Variants in LUZP2 observed in about 807,000 individuals in gnomAD.
LUZP2 encodes the protein leucine zipper protein 2.
Under a neutral mutation model 51.6 loss-of-function variants are expected in LUZP2, and 52 were observed. That is an observed-to-expected ratio of 1.01 (90% CI 0.81 to 1.27). The LOEUF is 1.27. Ranked by LOEUF, LUZP2 falls within the 50% of genes most tolerant of loss-of-function variation. The pLI, the probability that LUZP2 is intolerant of heterozygous loss-of-function variation, is 0.00. For synonymous variants in LUZP2, 154 were observed against 137.3 expected (o/e 1.12, Z -0.85); for missense variants, 436 against 395.4 (o/e 1.10, Z -0.87).
At chr11:24,947,773 T>C (rs1306410297) in intron 7 of LUZP2, among the ~76,000 whole-genome samples, 1 of 151,856 alleles carries the variant, frequency 6.6e-6, no homozygotes, top group Non-Finnish European at 1.5e-5. Flanking sequence ...ACTTTGAATA[T>C]TTTAACACAC....
At chr11:24,632,762 T>C (rs540877116) in intron 1 of LUZP2, among the ~76,000 whole-genome samples, 1 of 152,056 alleles carries the variant, frequency 6.6e-6, no homozygotes, top group Non-Finnish European at 1.5e-5. Context: ...TGTTCCAACA[T>C]ATAAGGAAAT....
At chr11:24,681,623 G>A (rs959371511) in intron 1 of LUZP2, among the ~76,000 whole-genome samples, 2 of 151,972 alleles carry the variant, frequency 1.3e-5, no homozygotes, top group African/African-American at 4.8e-5. Context: ...TGGATTTATC[G>A]ATGTCTTTCC....
At chr11:24,889,370 A>G (rs1474262443) in intron 5 of LUZP2, among the ~76,000 whole-genome samples, 1 of 152,186 alleles carries the variant, frequency 6.6e-6, no homozygotes, top group Non-Finnish European at 1.5e-5. Flanking sequence ...AGGTGATGCA[A>G]ACGACATTAC....
chr11:24,948,821 TATC>T (rs756794265), intron 7 of LUZP2, among the ~76,000 whole-genome samples: 56,044 of 144,814 alleles, frequency 0.39, 12,159 homozygotes, highest in East Asian at 0.71. Flanking sequence ...TCTATCTATC[TATC>T]ATCTATCTAT....
At position 24,923,143 on chromosome 11, in the gene LUZP2, C is replaced by T. The variant is rs1190826503; in HGVS notation, c.522+8605C>T. Among the ~76,000 whole-genome samples, 5 of 151,824 alleles carry T rather than the reference C, an allele frequency of 3.3e-5. No individual in the cohort carries two copies. In the East Asian group the frequency reaches 7.8e-4, roughly 24 times the overall value. On this transcript the variant is annotated intron_variant, in intron 7 of 11. Coordinates refer to ENST00000336930, the MANE Select transcript of LUZP2 (RefSeq NM_001009909.4). ...GATGACCGGCGTGAGCCACCGCGCC[C>T]GGCCAGCACAGTTATATCTTAATCG...
intron 7 of LUZP2, among the ~76,000 whole-genome samples, chr11:24,925,041 C>T (rs1365620108): frequency 6.6e-6 from 1 of 152,108 alleles, no homozygotes; most frequent in Non-Finnish European, 1.5e-5. Context: ...GGATTCTTTA[C>T]AGAATATAGA....
chr11:24,757,428 T>G (rs1056387645), intron 4 of LUZP2, among the ~76,000 whole-genome samples: 2 of 152,124 alleles, frequency 1.3e-5, no homozygotes, highest in African/African-American at 4.8e-5. Flanking sequence ...TCAAACACAT[T>G]GTCATACTTG....
intron 1 of LUZP2, among the ~76,000 whole-genome samples, chr11:24,679,229 A>G (rs1052911063): frequency 6.6e-6 from 1 of 152,276 alleles, no homozygotes; most frequent in East Asian, 1.9e-4. Context: ...TGCTTTATTT[A>G]CTCAAATATT....
chr11:24,648,184 A>G (rs1045420420), intron 1 of LUZP2, among the ~76,000 whole-genome samples: 1 of 151,946 alleles, frequency 6.6e-6, no homozygotes, highest in African/African-American at 2.4e-5. Context: ...CCTTATCTTT[A>G]TAAACTTAGA....
chr11:25,026,160 GA>G, intron 9 of LUZP2, among the ~76,000 whole-genome samples: 1 of 118,600 alleles, frequency 8.4e-6, no homozygotes, highest in Non-Finnish European at 1.7e-5. Context: ...GGGGAGGGGG[GA>G]GGGATAGCAT....
chr11:24,752,765 A>T (rs1007771015), intron 4 of LUZP2, among the ~76,000 whole-genome samples: 3 of 152,164 alleles, frequency 2.0e-5, no homozygotes, highest in Non-Finnish European at 4.4e-5. Context: ...CCTATAATGG[A>T]AAGGAAAAAA....
chr11:24,500,065 C>T (rs1034061693), intron 1 of LUZP2, among the ~76,000 whole-genome samples: 2 of 152,078 alleles, frequency 1.3e-5, no homozygotes, highest in Non-Finnish European at 2.9e-5. Context: ...TCCTTCTCAC[C>T]TTTTCTGAAG....
chr11:24,975,944 A>G (rs1049512017), intron 7 of LUZP2, among the ~76,000 whole-genome samples: 1 of 151,906 alleles, frequency 6.6e-6, no homozygotes, highest in Non-Finnish European at 1.5e-5. Flanking sequence ...ATAAAAATCT[A>G]TTATCTCTCA....
chr11:24,883,088 T>C (rs927959362), intron 5 of LUZP2, among the ~76,000 whole-genome samples: 2 of 152,006 alleles, frequency 1.3e-5, no homozygotes, highest in Admixed American at 1.3e-4. Flanking sequence ...TGATCAACTA[T>C]GTCAAATGCT....
At chr11:25,069,747 A>G (rs1448787400) in intron 10 of LUZP2, among the ~76,000 whole-genome samples, 1 of 151,904 alleles carries the variant, frequency 6.6e-6, no homozygotes, top group South Asian at 2.1e-4. Context: ...GCAAACAATT[A>G]TACTTGGAAT....
chr11:24,726,054 T>C (rs891006017), intron 1 of LUZP2, among the ~76,000 whole-genome samples: 1 of 152,088 alleles, frequency 6.6e-6, no homozygotes, highest in Admixed American at 6.6e-5. Context: ...TGAGACGAAA[T>C]ATCTATTATT....
At chr11:24,908,750 T>G (rs977524096) in intron 6 of LUZP2, among the ~76,000 whole-genome samples, 3 of 149,530 alleles carry the variant, frequency 2.0e-5, no homozygotes, top group Non-Finnish European at 3.0e-5. Flanking sequence ...TTGTTGTTTG[T>G]TTTTTTTCTT....
intron 5 of LUZP2, among the ~76,000 whole-genome samples, chr11:24,770,886 A>G (rs1860388244): frequency 6.6e-6 from 1 of 152,154 alleles, no homozygotes; most frequent in African/African-American, 2.4e-5. Context: ...TGTCTTGAGA[A>G]AGCACTACCT....
intron 1 of LUZP2, among the ~76,000 whole-genome samples, chr11:24,617,988 T>G (rs1590248871): frequency 6.6e-6 from 1 of 152,112 alleles, no homozygotes; most frequent in East Asian, 1.9e-4. Flanking sequence ...TAAGAGAAAA[T>G]GCCTTATTAC....
Sources: gnomAD v4.1 joint callset for allele counts (sites outside exome capture counted in the v4.1 genomes callset) on GRCh38, gnomAD v4.1.1 for gene constraint, MANE v1.5 for transcripts, NCBI Gene and HGNC (gene_info 2026-07-23, HGNC 2026-07-21) for gene names.